RPAP3: variants seen among roughly 807,000 people sequenced by gnomAD.
RPAP3 encodes RNA polymerase II-associated protein 3.
A neutral mutation model predicts 88.8 loss-of-function variants in RPAP3; 58 were observed. That is an observed-to-expected ratio of 0.65 (90% CI 0.53 to 0.81). The LOEUF (loss-of-function observed/expected upper bound fraction) is 0.81, where lower values mean the gene tolerates loss of function less well. Ranked by LOEUF, RPAP3 falls within the 40% of genes least tolerant of loss-of-function variation. The pLI, the probability that RPAP3 is intolerant of heterozygous loss-of-function variation, is 0.00. For missense variants in RPAP3, 751 were observed against 764.3 expected, an observed-to-expected ratio of 0.98 and a Z score of 0.20; for synonymous variants, 255 against 259.9, an observed-to-expected ratio of 0.98 and a Z score of 0.18.
chr12:47,682,378 G>A (rs1939238105), intron 9 of RPAP3, among the ~76,000 whole-genome samples: 1 of 152,032 alleles, frequency 6.6e-6, no homozygotes. Context: ...CTTAAGAAGA[G>A]CTCAACCCCC....
chr12:47,667,202 C>T (rs1177779770), intron 15 of RPAP3, 122 bp from the exon 16 acceptor site: 1 of 386,948 alleles, frequency 2.6e-6, no homozygotes, highest in Non-Finnish European at 4.5e-6. Flanking sequence ...CCCCTGGATA[C>T]CTGTATTTTA....
Position 47,698,322 on chromosome 12 carries a change from T to C in RPAP3, c.295-603A>G, listed in dbSNP as rs375998167. Reference sequence around the variant, plus strand: ...CCTCCAAGAGCCCTCAATCGATATGTTATACTGTCTCTCGGTGTATTCCAA... The same window carrying C: ...CCTCCAAGAGCCCTCAATCGATATGCTATACTGTCTCTCGGTGTATTCCAA... On this transcript the variant is annotated intron_variant, in intron 3 of 16. Coordinates refer to ENST00000005386, the MANE Select transcript of RPAP3 (RefSeq NM_024604.3). Among the ~76,000 whole-genome samples the C allele has an allele frequency of 2.4e-3, 362 of 152,244 alleles. 15 individuals are homozygous for C. In the South Asian group the frequency reaches 0.07, roughly 30 times the overall value.
At chr12:47,667,992 C>T (rs1000784966) in intron 14 of RPAP3, 141 bp from the exon 15 acceptor site, 4 of 533,744 alleles carry the variant, frequency 7.5e-6, no homozygotes, top group African/African-American at 3.9e-5. Flanking sequence ...GTTGGGAGTT[C>T]GAGACCAGTC....
intron 16 of RPAP3, among the ~76,000 whole-genome samples, chr12:47,666,534 C>T (rs753918948): frequency 2.0e-5 from 3 of 152,198 alleles, no homozygotes; most frequent in Non-Finnish European, 4.4e-5. Flanking sequence ...TCCTGTACCT[C>T]GCCCAGTTAC....
intron 4 of RPAP3, 57 bp downstream of exon 4, chr12:47,697,540 A>G: frequency 6.7e-7 from 1 of 1,502,806 alleles, no homozygotes; most frequent in South Asian, 1.2e-5. Context: ...TACGATCCAC[A>G]TGATTTTCAA....
At chr12:47,703,930 A>AT (rs1565725703) in intron 1 of RPAP3, among the ~76,000 whole-genome samples, 1 of 152,330 alleles carries the variant, frequency 6.6e-6, no homozygotes, top group East Asian at 1.9e-4. Flanking sequence ...TACTGATGCC[A>AT]TTTTGAGTCA....
intron 13 of RPAP3, 148 bp downstream of exon 13, chr12:47,669,959 T>C (rs1938961332): frequency 1.7e-6 from 1 of 582,182 alleles, no homozygotes; most frequent in Non-Finnish European, 3.0e-6. Context: ...TTACAATAAG[T>C]ACAAACAAAA....
At chr12:47,692,357 T>C (rs528486258) in intron 5 of RPAP3, among the ~76,000 whole-genome samples, 9 of 152,358 alleles carry the variant, frequency 5.9e-5, no homozygotes, top group East Asian at 1.9e-4. Context: ...CCTTCATCAA[T>C]TACCTTAGCT....
chr12:47,701,737 A>G, intron 2 of RPAP3, 133 bp from the exon 3 acceptor site: 1 of 559,622 alleles, frequency 1.8e-6, no homozygotes, highest in Non-Finnish European at 2.8e-6. Context: ...AAAAAGACCA[A>G]TTTACCACCT....
In RPAP3 at chr12:47,670,983, T is replaced by C. The variant is rs544535487; in HGVS notation, c.1288-638A>G. Reference sequence around the variant, plus strand: ...AACCTAAACACATTGTCTCAATATATAGCAGCTGGATAAAACTAGCCCAGG... The same window carrying C: ...AACCTAAACACATTGTCTCAATATACAGCAGCTGGATAAAACTAGCCCAGG... On this transcript the variant is annotated intron_variant, in intron 12 of 16. Transcript: ENST00000005386. 7.9e-5 allele frequency among the ~76,000 whole-genome samples: 12 copies of C among 152,312 alleles called. No homozygotes were observed. The South Asian group carries it at 2.5e-3, about 32-fold the overall frequency.
chr12:47,676,242 A>G (rs1939113218), intron 12 of RPAP3, among the ~76,000 whole-genome samples: 1 of 152,234 alleles, frequency 6.6e-6, no homozygotes, highest in East Asian at 1.9e-4. Context: ...ACACATTTAA[A>G]GCAGTGTGTA....
At chr12:47,675,892 G>T (rs999552696) in intron 12 of RPAP3, among the ~76,000 whole-genome samples, 1 of 152,206 alleles carries the variant, frequency 6.6e-6, no homozygotes, top group African/African-American at 2.4e-5. Flanking sequence ...GCAACAAGCA[G>T]ACCTAATAGA....
chr12:47,689,826 G>C (rs1243832828), intron 6 of RPAP3, among the ~76,000 whole-genome samples: 2 of 152,148 alleles, frequency 1.3e-5, no homozygotes, highest in Non-Finnish European at 2.9e-5. Context: ...CAGATCACCT[G>C]AAGTCAGGAG....
In RPAP3 at chr12:47,701,468, T is replaced by C; in HGVS notation, c.290A>G (p.Asp97Gly). Residue 97 changes from aspartate to glycine, a missense_variant, in exon 3 of 17, where the codon GAT becomes GGT. Asp to Gly is a moderately conservative substitution (Grantham distance 94). Transcript: ENST00000005386. Reference sequence around the variant, plus strand: ...CAAATGACTAGATTAACTTACCACATCAAGTTTTGCCCATGCCTCATAATC... The same window carrying C: ...CAAATGACTAGATTAACTTACCACACCAAGTTTTGCCCATGCCTCATAATC... The part of the protein sequence containing the change: ...SYDYEAWAKL[D>G]VDRILDELDK... 6.4e-7 allele frequency: 1 copy of C among 1,560,422 alleles called. No homozygotes were observed. The highest frequency in any genetic ancestry group is 2.0e-5 in the Admixed American group (1 of 49,136).
chr12:47,680,461 T>C (rs1939201037), intron 10 of RPAP3, among the ~76,000 whole-genome samples: 1 of 151,736 alleles, frequency 6.6e-6, no homozygotes, highest in East Asian at 1.9e-4. Flanking sequence ...TAACGTTACA[T>C]ATTTTTTTTA....
At chr12:47,697,765 G>GA (rs147666652) in intron 3 of RPAP3, 46 bp from the exon 4 acceptor site, 68 of 1,486,852 alleles carry the variant, frequency 4.6e-5, no homozygotes, top group East Asian at 1.7e-4. Flanking sequence ...ATATGATTAG[G>GA]AAAAAAAAGA....
At chr12:47,666,348 C>T (rs1321079037) in intron 16 of RPAP3, among the ~76,000 whole-genome samples, 1 of 152,198 alleles carries the variant, frequency 6.6e-6, no homozygotes, top group East Asian at 1.9e-4. Flanking sequence ...TCCAGCCATA[C>T]CATTTTAAAT....
At chr12:47,694,709 GAAA>G (rs1359023921) in intron 5 of RPAP3, among the ~76,000 whole-genome samples, 2 of 149,160 alleles carry the variant, frequency 1.3e-5, no homozygotes, top group Non-Finnish European at 3.0e-5. Flanking sequence ...GGAAAAAAAA[GAAA>G]AAAACAAAAA....
chr12:47,687,144 T>C (rs1939342692), intron 8 of RPAP3, among the ~76,000 whole-genome samples: 1 of 152,176 alleles, frequency 6.6e-6, no homozygotes, highest in Admixed American at 6.5e-5. Flanking sequence ...TACATTACTT[T>C]GCAGCATTCA....
Sources: gnomAD v4.1 joint callset for allele counts (sites outside exome capture counted in the v4.1 genomes callset) on GRCh38, gnomAD v4.1.1 for gene constraint, MANE v1.5 for transcripts, NCBI Gene and HGNC (gene_info 2026-07-23, HGNC 2026-07-21) for gene names.